The following CTNNA3 variants were observed in gnomAD, a reference collection of about 807,000 sequenced individuals.
CTNNA3 encodes the protein catenin alpha-3.
A neutral mutation model predicts 95.7 loss-of-function variants in CTNNA3; 76 were observed. That is an observed-to-expected ratio of 0.79 (90% CI 0.66 to 0.96). The LOEUF is 0.96. Among genes scored for constraint, CTNNA3 ranks in the 40% least tolerant of loss-of-function variants. CTNNA3 has a pLI of 0.00. For missense variants in CTNNA3, 1,191 were observed against 1,089.8 expected (o/e 1.09, Z -1.31); for synonymous variants, 431 against 374.4 (o/e 1.15, Z -1.74).
chr10:66,503,858 A>G (rs1007281804), intron 11 of CTNNA3, among the ~76,000 whole-genome samples: 3 of 152,164 alleles, frequency 2.0e-5, no homozygotes, highest in Non-Finnish European at 2.9e-5. Context: ...TAGCGGTGAA[A>G]TTTTAGTAAG....
At chr10:66,314,880 T>C (rs1426772140) in intron 12 of CTNNA3, among the ~76,000 whole-genome samples, 1 of 152,088 alleles carries the variant, frequency 6.6e-6, no homozygotes, top group Non-Finnish European at 1.5e-5. Flanking sequence ...TAATTAAGCA[T>C]CTGCTTTTGC....
At chr10:67,641,144 C>G (rs1398030159) in intron 2 of CTNNA3, among the ~76,000 whole-genome samples, 3 of 152,020 alleles carry the variant, frequency 2.0e-5, no homozygotes, top group Non-Finnish European at 4.4e-5. Flanking sequence ...GCAAAGAACT[C>G]CAACAAATTT....
intron 12 of CTNNA3, among the ~76,000 whole-genome samples, chr10:66,336,359 G>A (rs373931377): frequency 5.9e-5 from 9 of 152,034 alleles, no homozygotes; most frequent in East Asian, 3.9e-4. Flanking sequence ...GTTCCTATCC[G>A]GCCATCTTAG....
At chr10:66,380,159 C>T (rs2092825821) in intron 11 of CTNNA3, among the ~76,000 whole-genome samples, 1 of 152,000 alleles carries the variant, frequency 6.6e-6, no homozygotes, top group South Asian at 2.1e-4. Flanking sequence ...TTCTCTTTCT[C>T]TCTTTTTTTG....
At chr10:66,644,639 TACC>T (rs1442860803) in intron 9 of CTNNA3, among the ~76,000 whole-genome samples, 6 of 151,914 alleles carry the variant, frequency 3.9e-5, no homozygotes, top group Non-Finnish European at 5.9e-5. Flanking sequence ...TACAAAATGT[TACC>T]ACATCATCCC....
chr10:66,388,507 A>T (rs1317261123), intron 11 of CTNNA3, among the ~76,000 whole-genome samples: 3 of 151,962 alleles, frequency 2.0e-5, no homozygotes, highest in Non-Finnish European at 2.9e-5. Flanking sequence ...TATAGCAAGA[A>T]TTTTTCTGGT....
chr10:67,387,614 GACAA>G (rs1434214983), intron 5 of CTNNA3, among the ~76,000 whole-genome samples: 2 of 152,184 alleles, frequency 1.3e-5, no homozygotes, highest in African/African-American at 2.4e-5. Flanking sequence ...GCAGGGCACA[GACAA>G]ACAAAAAGAC....
chr10:66,852,206 A>G (rs965050804), intron 7 of CTNNA3, among the ~76,000 whole-genome samples: 11 of 152,260 alleles, frequency 7.2e-5, no homozygotes, highest in South Asian at 2.1e-4. Context: ...TGGTACAGGT[A>G]CCTTCTACTA....
intron 8 of CTNNA3, among the ~76,000 whole-genome samples, 162 bp from the exon 9 acceptor site, chr10:66,766,578 A>C (rs761000527): frequency 4.7e-4 from 72 of 152,294 alleles, no homozygotes; most frequent in Admixed American, 1.3e-3. Flanking sequence ...TAAGAAACTA[A>C]AAAACAAAAT....
chr10:66,089,294 T>C (rs10996887), intron 14 of CTNNA3, among the ~76,000 whole-genome samples: 29,525 of 151,642 alleles, frequency 0.19, 3,230 homozygotes, highest in Admixed American at 0.24. Flanking sequence ...CTATTACTCT[T>C]GGTAAATAGA....
chr10:67,441,042 G>A (rs975772845), intron 5 of CTNNA3, among the ~76,000 whole-genome samples: 1 of 151,744 alleles, frequency 6.6e-6, no homozygotes, highest in African/African-American at 2.4e-5. Context: ...GAAACTCAAA[G>A]AAATTCAAGA....
At chr10:67,341,115 C>T (rs752780637) in intron 5 of CTNNA3, among the ~76,000 whole-genome samples, 1 of 152,022 alleles carries the variant, frequency 6.6e-6, no homozygotes, top group Non-Finnish European at 1.5e-5. Flanking sequence ...CATTTTGATA[C>T]AGGCATGGAA....
intron 7 of CTNNA3, among the ~76,000 whole-genome samples, chr10:66,845,756 C>CAT (rs1278313935): frequency 8.5e-5 from 4 of 47,234 alleles, no homozygotes; most frequent in African/African-American, 5.9e-4. Context: ...TATATACATA[C>CAT]ACACACACAC....
chr10:66,967,724 T>G (rs17297362), intron 7 of CTNNA3, among the ~76,000 whole-genome samples: 35,172 of 151,956 alleles, frequency 0.23, 4,633 homozygotes, highest in Non-Finnish European at 0.31. Context: ...AATTCTGAGG[T>G]GTGAAACATA....
intron 7 of CTNNA3, among the ~76,000 whole-genome samples, chr10:67,046,851 T>C (rs1416483002): frequency 1.3e-5 from 2 of 152,030 alleles, no homozygotes; most frequent in Non-Finnish European, 2.9e-5. Context: ...TTTGGGTGAG[T>C]AGATAGGAAT....
intron 6 of CTNNA3, among the ~76,000 whole-genome samples, chr10:67,198,574 C>T (rs568742263): frequency 1.3e-5 from 2 of 152,272 alleles, no homozygotes; most frequent in African/African-American, 4.8e-5. Flanking sequence ...CAATCAAAGG[C>T]AACATTCATC....
chr10:66,951,916 T>G (rs1453538254), intron 7 of CTNNA3, among the ~76,000 whole-genome samples: 1 of 152,152 alleles, frequency 6.6e-6, no homozygotes, highest in African/African-American at 2.4e-5. Context: ...ACAGTGAACC[T>G]TCATCTTTAA....
chr10:67,202,732 A>G lies in CTNNA3; in HGVS notation c.843+16875T>C, dbSNP rs542947136. 2.6e-5 allele frequency among the ~76,000 whole-genome samples: 4 copies of G among 152,264 alleles called. No individual in the cohort carries two copies. In the East Asian group the frequency reaches 5.8e-4, roughly 22 times the overall value. ...CCAACAGACCGATCATGCTAGACAG[A>G]AAGTTTGCACCAGGTGGTAGAAAAA... On this transcript the variant is annotated intron_variant, in intron 6 of 17. Coordinates refer to ENST00000433211, the MANE Select transcript of CTNNA3 (RefSeq NM_013266.4).
chr10:67,413,052 G>A (rs546376486), intron 5 of CTNNA3, among the ~76,000 whole-genome samples: 2 of 152,196 alleles, frequency 1.3e-5, no homozygotes, highest in East Asian at 3.9e-4. Flanking sequence ...AGAGTGGCAG[G>A]CTGGATAAAA....
Sources: allele counts gnomAD v4.1 joint callset (sites outside exome capture counted in the v4.1 genomes callset), GRCh38; gene constraint gnomAD v4.1.1; transcripts MANE v1.5; gene names NCBI Gene and HGNC (gene_info 2026-07-23, HGNC 2026-07-21).